Variants in OTOA observed in about 807,000 individuals in gnomAD.
The protein encoded by OTOA is otoancorin.
In OTOA, 70 loss-of-function variants were observed where a neutral mutation model predicts 110.8. That is an observed-to-expected ratio of 0.63 (90% CI 0.52 to 0.77). The LOEUF is 0.77. OTOA is among the 30% of genes least tolerant of loss of function. The pLI is 0.00. For synonymous variants in OTOA, 373 were observed against 431.5 expected, an observed-to-expected ratio of 0.86 and a Z score of 1.68; for missense variants, 917 against 1,075.8, an observed-to-expected ratio of 0.85 and a Z score of 2.06.
chr16:21,735,211 T>A (rs1899250192), intron 21 of OTOA, among the ~76,000 whole-genome samples: 1 of 150,548 alleles, frequency 6.6e-6, no homozygotes, highest in Non-Finnish European at 1.5e-5. Flanking sequence ...ACAGGAAGCA[T>A]GATGCTGGCA....
chr16:21,736,264 C>T lies in OTOA; in HGVS notation c.2305C>T (p.Pro769Ser), dbSNP rs769182891. The change falls in exon 22 of 29, where the codon CCT becomes TCT. Residue 769 changes from proline to serine, a missense_variant. Transcript: ENST00000646100. ...TCTTTCATCTTCTTTCACACAGTTTCCTGAGATCCTTCTGCAAGCAGCTTC... is the reference window on the plus strand; with the variant it reads ...TCTTTCATCTTCTTTCACACAGTTTTCTGAGATCCTTCTGCAAGCAGCTTC... ...DELSSIATKF[P>S]EILLQAASKM... The T allele has an allele frequency of 3.2e-5, 51 of 1,612,332 alleles. No homozygotes were observed. Among genetic ancestry groups the T allele is most frequent in the Non-Finnish European group, 4.2e-5 (50 of 1,178,590 alleles).
intron 9 of OTOA, among the ~76,000 whole-genome samples, chr16:21,696,797 A>G (rs928060289): frequency 6.6e-6 from 1 of 152,084 alleles, no homozygotes. Flanking sequence ...TCATGTTTCC[A>G]GATTATTTAG....
chr16:21,707,716 TTCTCTTTCTCACTCTC>T (rs1898230761), intron 12 of OTOA, among the ~76,000 whole-genome samples: 1 of 146,780 alleles, frequency 6.8e-6, no homozygotes, highest in Non-Finnish European at 1.5e-5. Context: ...CCTTTCTTTC[TTCTCTTTCTCACTCTC>T]TCTCTTTCTT....
rs755447331 is a variant in OTOA at position 21,685,305 on chromosome 16, G to A, written c.343G>A (p.Ala115Thr). 2.2e-5 allele frequency: 36 copies of A among 1,613,200 alleles called. No individual in the cohort carries two copies. The highest frequency in any genetic ancestry group is 2.7e-5 in the Non-Finnish European group (32 of 1,179,476). The change falls in exon 7 of 29, where the codon GCC becomes ACC. Residue 115 changes from alanine (A) to threonine (T), a missense_variant. Transcript: ENST00000646100. ...KLLEDLRKTDAQQFRTAMKCL... is the reference protein window; with the variant it reads ...KLLEDLRKTDTQQFRTAMKCL... ...GCTGGAGGACCTGAGGAAGACAGAC[G>A]CCCAGCAGTTCCGCACTGCCATGAA...
At chr16:21,685,531 C>T (rs1799998394) in intron 7 of OTOA, among the ~76,000 whole-genome samples, 170 bp downstream of exon 7, 1 of 152,130 alleles carries the variant, frequency 6.6e-6, no homozygotes, top group African/African-American at 2.4e-5. Flanking sequence ...TTCTCACTTA[C>T]TTTCTCCAAA....
chr16:21,697,541 G>A (rs1897968217), intron 9 of OTOA, among the ~76,000 whole-genome samples: 1 of 152,140 alleles, frequency 6.6e-6, no homozygotes, highest in Non-Finnish European at 1.5e-5. Flanking sequence ...ACTGAGGCAG[G>A]AGAATCGCTT....
intron 20 of OTOA, among the ~76,000 whole-genome samples, chr16:21,729,158 C>A (rs1899028324): frequency 6.6e-6 from 1 of 151,928 alleles, no homozygotes; most frequent in Non-Finnish European, 1.5e-5. Context: ...CCTGAGCCTC[C>A]CAAGTAGCTG....
Position 21,715,144 on chromosome 16 carries a change from C to T in OTOA, c.1480C>T (p.Leu494Phe). 1 of 1,614,158 alleles carries T rather than the reference C, an allele frequency of 6.2e-7. No homozygotes were observed. The highest frequency in any genetic ancestry group is 8.5e-7 in the Non-Finnish European group (1 of 1,180,012). ...DLSPAQQQGI[L>F]SKMVQAEDTA... ...GTCACCTGCCCAGCAGCAAGGTATC[C>T]TCAGCAAGGTGAGAGGAAGATGTCT... The change falls in exon 14 of 29, where the codon CTC (leucine) becomes TTC (phenylalanine). Residue 494 changes from leucine (L) to phenylalanine (F), a missense_variant. By Grantham distance (22) the Leu-to-Phe change is conservative. Coordinates refer to ENST00000646100, the MANE Select transcript of OTOA (RefSeq NM_144672.4).
At chr16:21,678,432 A>T in intron 1 of OTOA, 79 bp from the exon 2 acceptor site, 1 of 896,402 alleles carries the variant, frequency 1.1e-6, no homozygotes, top group Non-Finnish European at 1.7e-6. Context: ...GTTTATATAC[A>T]TGTATATATA....
intron 1 of OTOA, among the ~76,000 whole-genome samples, chr16:21,671,325 A>G (rs1025308171): frequency 2.6e-5 from 4 of 151,950 alleles, no homozygotes; most frequent in Non-Finnish European, 5.9e-5. Flanking sequence ...AGTGGCTCAC[A>G]CCTGTAATCT....
chr16:21,717,582 A>G (rs1301234112), intron 15 of OTOA, among the ~76,000 whole-genome samples: 1 of 152,210 alleles, frequency 6.6e-6, no homozygotes, highest in Non-Finnish European at 1.5e-5. Context: ...GGTCACTGAT[A>G]CATGCCACCT....
chr16:21,713,274 T>C (rs1898415118), intron 13 of OTOA, among the ~76,000 whole-genome samples: 1 of 152,126 alleles, frequency 6.6e-6, no homozygotes, highest in South Asian at 2.1e-4. Context: ...CTTTTTAAAT[T>C]TCTTCAAGTT....
chr16:21,709,816 C>A, intron 12 of OTOA, 72 bp from the exon 13 acceptor site: 1 of 1,336,974 alleles, frequency 7.5e-7, no homozygotes, highest in Non-Finnish European at 1.1e-6. Context: ...GTCCTAATAG[C>A]CCTGGATATG....
chr16:21,701,146 A>G, intron 11 of OTOA, 119 bp downstream of exon 11: 1 of 1,432,292 alleles, frequency 7.0e-7, no homozygotes, highest in Non-Finnish European at 9.7e-7. Context: ...ATCTCTTTGA[A>G]TAGTCCCATA....
intron 2 of OTOA, 82 bp downstream of exon 2, chr16:21,678,687 A>C: frequency 1.5e-6 from 2 of 1,333,072 alleles, no homozygotes; most frequent in Non-Finnish European, 2.2e-6. Flanking sequence ...TAGGTACATG[A>C]TGCTGTAAGT....
At chr16:21,738,461 T>C (rs1444832119) in intron 22 of OTOA, among the ~76,000 whole-genome samples, 1 of 130,618 alleles carries the variant, frequency 7.7e-6, no homozygotes, top group Admixed American at 8.3e-5. Flanking sequence ...TTTTTTTTTT[T>C]CTTGGTGAAT....
chr16:21,732,640 CA>C (rs1899153491), intron 21 of OTOA, among the ~76,000 whole-genome samples: 1 of 152,052 alleles, frequency 6.6e-6, no homozygotes, highest in Admixed American at 6.6e-5. Context: ...CTTGCATCAA[CA>C]CTGTGAAATC....
At chr16:21,713,857 G>C (rs532161969) in intron 13 of OTOA, among the ~76,000 whole-genome samples, 1 of 152,122 alleles carries the variant, frequency 6.6e-6, no homozygotes, top group South Asian at 2.1e-4. Context: ...GACCTTGACT[G>C]GGGCTCCATG....
intron 11 of OTOA, among the ~76,000 whole-genome samples, chr16:21,702,160 G>A (rs577141848): frequency 6.6e-6 from 1 of 152,210 alleles, no homozygotes; most frequent in South Asian, 2.1e-4. Context: ...ATGTTGGCCA[G>A]GCTGGTCTCA....
Sources: gnomAD v4.1 joint callset for allele counts (sites outside exome capture counted in the v4.1 genomes callset) on GRCh38, gnomAD v4.1.1 for gene constraint, MANE v1.5 for transcripts, NCBI Gene and HGNC (gene_info 2026-07-23, HGNC 2026-07-21) for gene names.